Variants in SATL1 observed in about 807,000 individuals in gnomAD.
The protein encoded by SATL1 is spermidine/spermine N1-acetyl transferase like 1.
A neutral mutation model predicts 51.8 loss-of-function variants in SATL1; 47 were observed. The observed-to-expected ratio is 0.91, with a 90% CI of 0.72 to 1.16. The LOEUF (loss-of-function observed/expected upper bound fraction) is 1.16, where lower values mean the gene tolerates loss of function less well. SATL1 is among the 50% of genes most tolerant of loss of function. The pLI is 0.00. For synonymous variants in SATL1, 176 were observed against 182.4 expected, an observed-to-expected ratio of 0.97 and a Z score of 0.28; for missense variants, 520 against 526.4, an observed-to-expected ratio of 0.99 and a Z score of 0.12.
At chrX:85,131,509 T>C (rs1330414334) in intron 2 of SATL1, among the ~76,000 whole-genome samples, 4 of 110,809 alleles carry the variant, frequency 3.6e-5, no homozygotes, top group Non-Finnish European at 5.7e-5. Flanking sequence ...TGGTAGATCT[T>C]CCTCCATCCT....
At chrX:85,129,106 C>T (rs141615537) in intron 2 of SATL1, among the ~76,000 whole-genome samples, 6 of 111,758 alleles carry the variant, frequency 5.4e-5, no homozygotes, top group Non-Finnish European at 1.1e-4. Context: ...GCTCTTTTGG[C>T]TTAGGATTCT....
intron 2 of SATL1, among the ~76,000 whole-genome samples, chrX:85,213,433 GATT>G (rs1927970958): frequency 8.9e-6 from 1 of 111,826 alleles, no homozygotes; most frequent in Non-Finnish European, 1.9e-5. Context: ...CAGCAAAACA[GATT>G]ATCAGCAGAA....
chrX:85,137,027 G>A lies in SATL1; in HGVS notation c.-312-27747C>T, dbSNP rs1354973803. 5.4e-5 allele frequency among the ~76,000 whole-genome samples: 6 copies of A among 111,720 alleles called. No homozygotes were observed. The Admixed American group carries it at 5.7e-4, about 11-fold the overall frequency. On this transcript the variant is annotated intron_variant, in intron 2 of 7. Coordinates refer to ENST00000644105, the MANE Select transcript of SATL1 (RefSeq NM_001367857.2). ...AGGAGCCAACAGAAAGGAAGAGGTT[G>A]AGGATTCAGAAAAGAGGGGAATAAT...
At chrX:85,150,408 C>T (rs1352367046) in intron 2 of SATL1, among the ~76,000 whole-genome samples, 1 of 109,526 alleles carries the variant, frequency 9.1e-6, no homozygotes, top group East Asian at 2.9e-4. Flanking sequence ...TGGTACCATT[C>T]CTTCTGAAAC....
At chrX:85,097,773 T>C (rs969894950) in intron 4 of SATL1, among the ~76,000 whole-genome samples, 1 of 112,249 alleles carries the variant, frequency 8.9e-6, no homozygotes, top group African/African-American at 3.2e-5. Flanking sequence ...AAATCAAAAT[T>C]AGATTGTTAT....
At chrX:85,190,378 G>A (rs1221722579) in intron 2 of SATL1, among the ~76,000 whole-genome samples, 2 of 111,410 alleles carry the variant, frequency 1.8e-5, no homozygotes, top group African/African-American at 6.5e-5. Flanking sequence ...ACACACTTTG[G>A]CATCTAACTC....
chrX:85,113,946 C>T (rs1925323375), intron 2 of SATL1, among the ~76,000 whole-genome samples: 1 of 111,444 alleles, frequency 9.0e-6, no homozygotes, highest in Non-Finnish European at 1.9e-5. Context: ...GGTTAGTAAC[C>T]ATGTACAGGG....
At chrX:85,189,316 T>A (rs1417287470) in intron 2 of SATL1, among the ~76,000 whole-genome samples, 2 of 111,576 alleles carry the variant, frequency 1.8e-5, no homozygotes, top group African/African-American at 6.5e-5. Context: ...TGCCATGCTA[T>A]CCCTGGTTAT....
intron 2 of SATL1, among the ~76,000 whole-genome samples, chrX:85,158,151 T>C (rs759379865): frequency 3.6e-5 from 4 of 111,492 alleles, no homozygotes; most frequent in African/African-American, 1.3e-4. Flanking sequence ...CACTGTTTTT[T>C]TTTTTATTCA....
chrX:85,199,043 G>C (rs1302799411), intron 2 of SATL1, among the ~76,000 whole-genome samples: 1 of 109,864 alleles, frequency 9.1e-6, no homozygotes, highest in Admixed American at 9.8e-5. Context: ...GTTTCACCAT[G>C]TTGGCCAGCA....
intron 2 of SATL1, chrX:85,219,695 T>C (rs1928130637): frequency 8.9e-6 from 1 of 111,734 alleles, no homozygotes; most frequent in Admixed American, 9.5e-5. Flanking sequence ...TAAGAATTGC[T>C]AAATGATTTC....
At chrX:85,102,719 G>T (rs1014171991) in intron 4 of SATL1, among the ~76,000 whole-genome samples, 4 of 111,426 alleles carry the variant, frequency 3.6e-5, no homozygotes, top group Non-Finnish European at 5.7e-5. Context: ...ATAGTGTAGG[G>T]GCATTATCTC....
intron 2 of SATL1, among the ~76,000 whole-genome samples, chrX:85,151,170 T>C (rs1390623294): frequency 1.8e-5 from 2 of 109,191 alleles, no homozygotes; most frequent in Non-Finnish European, 3.8e-5. Flanking sequence ...TATACACCAA[T>C]AACAGACAAA....
intron 2 of SATL1, among the ~76,000 whole-genome samples, chrX:85,200,548 G>A (rs1010790854): frequency 7.2e-5 from 8 of 110,969 alleles, no homozygotes; most frequent in South Asian, 7.6e-4. Context: ...AAAACCTGTC[G>A]GTATATGTGA....
intron 2 of SATL1, among the ~76,000 whole-genome samples, chrX:85,222,580 A>T (rs1177348486): frequency 9.0e-6 from 1 of 111,588 alleles, no homozygotes; most frequent in African/African-American, 3.3e-5. Flanking sequence ...GTCTACTCTG[A>T]TGTATGCCAC....
chrX:85,132,545 T>C (rs1178627748), intron 2 of SATL1, among the ~76,000 whole-genome samples: 1 of 111,781 alleles, frequency 8.9e-6, no homozygotes, highest in Non-Finnish European at 1.9e-5. Context: ...TAGTTAGCCA[T>C]TCATCTAATC....
chrX:85,199,555 C>T (rs927214481), intron 2 of SATL1, among the ~76,000 whole-genome samples: 1 of 111,814 alleles, frequency 8.9e-6, no homozygotes, highest in Non-Finnish European at 1.9e-5. Context: ...ATGGAGAAAG[C>T]AAGTGTGGTA....
intron 2 of SATL1, among the ~76,000 whole-genome samples, chrX:85,148,478 T>C (rs1230429934): frequency 1.8e-4 from 20 of 109,630 alleles, no homozygotes; most frequent in Admixed American, 2.0e-4. Context: ...CACAAAGATA[T>C]TCCTCGAGAA....
chrX:85,227,872 T>A (rs1336974981), intron 1 of SATL1, among the ~76,000 whole-genome samples: 9 of 111,413 alleles, frequency 8.1e-5, no homozygotes, highest in Non-Finnish European at 1.7e-4. Context: ...TTGTTAATAT[T>A]TTAGGTATGG....
Sources: allele counts gnomAD v4.1 joint callset (sites outside exome capture counted in the v4.1 genomes callset), GRCh38; gene constraint gnomAD v4.1.1; transcripts MANE v1.5; gene names NCBI Gene and HGNC (gene_info 2026-07-23, HGNC 2026-07-21).